Variants in CLVS1 observed in about 807,000 individuals in gnomAD.
The protein encoded by CLVS1 is clavesin-1.
In CLVS1, 10 loss-of-function variants were observed where a neutral mutation model predicts 33.1. That is an observed-to-expected ratio of 0.30 (90% CI 0.19 to 0.51). The LOEUF is 0.51. Ranked by LOEUF, CLVS1 falls within the 20% of genes least tolerant of loss-of-function variation. The pLI, the probability that CLVS1 is intolerant of heterozygous loss-of-function variation, is 0.97. For synonymous variants in CLVS1, 163 were observed against 166.1 expected, an observed-to-expected ratio of 0.98 and a Z score of 0.14; for missense variants, 343 against 433.4, an observed-to-expected ratio of 0.79 and a Z score of 1.85.
At chr8:61,265,093 G>A (rs182778678) in intron 2 of CLVS1, among the ~76,000 whole-genome samples, 1 of 152,222 alleles carries the variant, frequency 6.6e-6, no homozygotes, top group Admixed American at 6.5e-5. Flanking sequence ...GACTCCTCAT[G>A]ACCTCCAAAC....
chr8:61,370,228 A>G (rs1455200247), intron 2 of CLVS1: 1 of 152,040 alleles, frequency 6.6e-6, no homozygotes, highest in Non-Finnish European at 1.5e-5. Flanking sequence ...TTTTATTTCA[A>G]TAAAGTTTTG....
intron 5 of CLVS1, among the ~76,000 whole-genome samples, chr8:61,484,375 C>A (rs1050819523): frequency 2.0e-5 from 3 of 152,080 alleles, no homozygotes; most frequent in Middle Eastern, 3.2e-3. Context: ...ACCTAGGAAT[C>A]CAACTTACAA....
chr8:61,410,095 T>TTTC (rs1425165953), intron 3 of CLVS1, among the ~76,000 whole-genome samples: 1 of 123,840 alleles, frequency 8.1e-6, no homozygotes, highest in Non-Finnish European at 1.8e-5. Flanking sequence ...TCTTTGTTTT[T>TTTC]GCTAGGTAAA....
rs552879327 is a variant in CLVS1 at position 61,408,987 on chromosome 8, A to C, written c.630+32208A>C. 7.4e-4 allele frequency among the ~76,000 whole-genome samples: 112 copies of C among 152,328 alleles called. 1 individual carries two copies. In the Middle Eastern group the frequency reaches 0.02, roughly 28 times the overall value. On this transcript the variant is annotated intron_variant, in intron 3 of 5. Transcript: ENST00000325897. ...GCATCGTTATTAATCTTCTTCTCTA[A>C]GTCAAAGGAAGAAATATATCAGGCT... is the stretch of plus-strand genomic sequence containing the variant.
At chr8:61,374,770 A>G (rs1011113104) in intron 2 of CLVS1, among the ~76,000 whole-genome samples, 2 of 152,210 alleles carry the variant, frequency 1.3e-5, no homozygotes, top group Non-Finnish European at 2.9e-5. Flanking sequence ...GAGATTATGT[A>G]GGGTATCATG....
intron 2 of CLVS1, among the ~76,000 whole-genome samples, chr8:61,278,440 T>A (rs1809604704): frequency 6.6e-6 from 1 of 152,252 alleles, no homozygotes; most frequent in Non-Finnish European, 1.5e-5. Context: ...TTTAAAAGGA[T>A]CCTCGTATAG....
intron 2 of CLVS1, among the ~76,000 whole-genome samples, chr8:61,259,803 G>A (rs1007636992): frequency 5.9e-5 from 9 of 152,220 alleles, no homozygotes; most frequent in African/African-American, 2.2e-4. Flanking sequence ...CGCGGAGCAG[G>A]ATATTGGCGG....
chr8:61,344,442 A>G (rs573187883), intron 2 of CLVS1, among the ~76,000 whole-genome samples: 80 of 152,318 alleles, frequency 5.3e-4, no homozygotes, highest in African/African-American at 1.7e-3. Flanking sequence ...ACAATGCAAG[A>G]TTAATACCTC....
chr8:61,439,331 A>G (rs769953370), intron 3 of CLVS1, among the ~76,000 whole-genome samples: 9 of 152,358 alleles, frequency 5.9e-5, no homozygotes, highest in Non-Finnish European at 1.0e-4. Flanking sequence ...ACCATAATGT[A>G]TTTGGTATTT....
chr8:61,374,878 G>A (rs1367571013), intron 2 of CLVS1, among the ~76,000 whole-genome samples: 1 of 152,036 alleles, frequency 6.6e-6, no homozygotes, highest in Non-Finnish European at 1.5e-5. Flanking sequence ...TTTGAAGGAG[G>A]AAAATTTTGG....
intron 2 of CLVS1, among the ~76,000 whole-genome samples, chr8:61,314,684 C>T (rs1194715868): frequency 6.6e-6 from 1 of 152,182 alleles, no homozygotes. Context: ...GATGAAGATT[C>T]TTAGAGAATT....
chr8:61,234,262 C>T (rs1808506630), intron 2 of CLVS1, among the ~76,000 whole-genome samples: 1 of 152,110 alleles, frequency 6.6e-6, no homozygotes, highest in South Asian at 2.1e-4. Context: ...TGTGTGCGTG[C>T]GTATTCATGT....
chr8:61,012,713 C>T, the CLVS1 span, among the ~76,000 whole-genome samples: 1 of 152,334 alleles, frequency 6.6e-6, no homozygotes, highest in Non-Finnish European at 1.5e-5. Context: ...TGTGCTCCCC[C>T]GCTCTTTCCA....
intron 2 of CLVS1, among the ~76,000 whole-genome samples, chr8:61,186,082 A>T (rs1463238425): frequency 6.6e-6 from 1 of 152,138 alleles, no homozygotes. Context: ...TCCACTAGAA[A>T]TCTCTGTAAC....
At chr8:60,997,833 C>A in the CLVS1 span, among the ~76,000 whole-genome samples, 1 of 152,204 alleles carries the variant, frequency 6.6e-6, no homozygotes, top group Non-Finnish European at 1.5e-5. Flanking sequence ...TTCTTTTAAA[C>A]AGTACAGGAT....
At chr8:61,285,599 G>C (rs370584218), upstream of CLVS1, among the ~76,000 whole-genome samples, 1 of 152,108 alleles carries the variant, frequency 6.6e-6, no homozygotes, top group Non-Finnish European at 1.5e-5. Flanking sequence ...CTCCTGGCAC[G>C]CCCAACTCAG....
chr8:61,498,418 C>T (rs949890274), intron 5 of CLVS1, among the ~76,000 whole-genome samples: 1 of 152,214 alleles, frequency 6.6e-6, no homozygotes, highest in African/African-American at 2.4e-5. Flanking sequence ...TAACAATTTA[C>T]TGCACATATA....
At chr8:61,494,152 C>G (rs1804191870) in intron 5 of CLVS1, among the ~76,000 whole-genome samples, 1 of 152,086 alleles carries the variant, frequency 6.6e-6, no homozygotes, top group South Asian at 2.1e-4. Context: ...CCATTTTCAT[C>G]TCGTTCTTCA....
intron 2 of CLVS1, among the ~76,000 whole-genome samples, chr8:61,233,244 T>C (rs952198616): frequency 3.3e-5 from 5 of 152,192 alleles, no homozygotes; most frequent in African/African-American, 1.2e-4. Flanking sequence ...TAATTTTGTG[T>C]TCCAATAGGT....
Sources: allele counts gnomAD v4.1 joint callset (sites outside exome capture counted in the v4.1 genomes callset), GRCh38; gene constraint gnomAD v4.1.1; transcripts MANE v1.5; gene names NCBI Gene and HGNC (gene_info 2026-07-23, HGNC 2026-07-21).